SPIN1: variants seen among roughly 807,000 people sequenced by gnomAD.
The protein encoded by SPIN1 is spindlin 1.
SPIN1 carries 3 observed loss-of-function variants against 26.0 expected under a neutral mutation model. The ratio of observed to expected loss-of-function variants is 0.12; its 90% confidence interval spans 0.05 to 0.30. The LOEUF (loss-of-function observed/expected upper bound fraction) is 0.30, where lower values mean the gene tolerates loss of function less well. Among genes scored for constraint, SPIN1 ranks in the 10% least tolerant of loss-of-function variants. The pLI is 1.00. For synonymous variants in SPIN1, 101 were observed against 116.5 expected (o/e 0.87, Z 0.86); for missense variants, 126 against 333.4 (o/e 0.38, Z 4.84).
chr9:88,439,666 T>C (rs2118086883), intron 2 of SPIN1, among the ~76,000 whole-genome samples: 1 of 152,358 alleles, frequency 6.6e-6, no homozygotes, highest in South Asian at 2.1e-4. Flanking sequence ...GCTCCATTTT[T>C]AGGCACATAC....
At chr9:88,470,929 C>G (rs892331918) in intron 5 of SPIN1, among the ~76,000 whole-genome samples, 7 of 152,150 alleles carry the variant, frequency 4.6e-5, no homozygotes, top group African/African-American at 1.7e-4. Context: ...GGTGAAATGT[C>G]TATTCATATC....
intron 1 of SPIN1, among the ~76,000 whole-genome samples, chr9:88,394,740 G>C (rs1255506570): frequency 1.4e-5 from 2 of 147,376 alleles, no homozygotes; most frequent in African/African-American, 5.1e-5. Flanking sequence ...TTATATGTTT[G>C]ATAATTAATT....
intron 2 of SPIN1, among the ~76,000 whole-genome samples, chr9:88,444,040 C>T (rs1268666830): frequency 6.6e-6 from 1 of 152,036 alleles, no homozygotes; most frequent in Non-Finnish European, 1.5e-5. Flanking sequence ...CTCCGCCTGC[C>T]TCTCCAGTTT....
chr9:88,429,462 C>T (rs1317507549), intron 2 of SPIN1, among the ~76,000 whole-genome samples: 1 of 152,108 alleles, frequency 6.6e-6, no homozygotes. Context: ...TGTCCCTGGG[C>T]TCAATTAGTT....
intron 2 of SPIN1, among the ~76,000 whole-genome samples, chr9:88,433,012 C>T (rs2118052377): frequency 6.6e-6 from 1 of 152,170 alleles, no homozygotes; most frequent in African/African-American, 2.4e-5. Flanking sequence ...ACCACTGCAT[C>T]CAGCTTTTTT....
At position 88,477,549 on chromosome 9, in the gene SPIN1, T is replaced by C. The variant is rs1314978057; in HGVS notation, c.*2272T>C. 2 of 152,522 alleles carry C rather than the reference T, an allele frequency of 1.3e-5. No individual in the cohort carries two copies. The highest frequency in any genetic ancestry group is 2.9e-5 in the Non-Finnish European group (2 of 68,036). 9.4% of individuals were successfully genotyped at this position (152,522 alleles called of 1,614,324 possible). A position where few individuals can be genotyped will look rare whatever the true frequency, so the allele number is the denominator to read the frequency against. On this transcript the variant is annotated 3_prime_UTR_variant, in exon 6 of 6. Transcript: ENST00000375859. Reference sequence around the variant, plus strand: ...GGGAAAGGGAAGGTTTGTTTTTTTTTCTCCCCATTTTCCCCCATTCTGTCT... The same window carrying C: ...GGGAAAGGGAAGGTTTGTTTTTTTTCCTCCCCATTTTCCCCCATTCTGTCT...
At chr9:88,455,360 G>A (rs1284913388) in intron 3 of SPIN1, among the ~76,000 whole-genome samples, 1 of 152,184 alleles carries the variant, frequency 6.6e-6, no homozygotes, top group African/African-American at 2.4e-5. Context: ...GGAGGCTGAG[G>A]CAGGAGAATC....
chr9:88,388,793 C>T (rs868747646), intron 1 of SPIN1, among the ~76,000 whole-genome samples: 25 of 150,452 alleles, frequency 1.7e-4, no homozygotes, highest in Middle Eastern at 3.4e-3. Flanking sequence ...GTGCCCCCAT[C>T]CCCGCCGCCC....
At chr9:88,406,385 G>C (rs897465342) in intron 1 of SPIN1, among the ~76,000 whole-genome samples, 1 of 151,288 alleles carries the variant, frequency 6.6e-6, no homozygotes, top group South Asian at 2.1e-4. Context: ...CCGCCTCCCA[G>C]GTTCACACCA....
In SPIN1 at chr9:88,426,416, G is replaced by T; in HGVS notation, c.-124G>T. 1 of 690,410 alleles carries T rather than the reference G, an allele frequency of 1.4e-6. No homozygotes were observed. Among genetic ancestry groups the T allele is most frequent in the Non-Finnish European group, 2.5e-6 (1 of 406,126 alleles). The allele number at this position is 690,410 out of a possible 1,614,324, so 42.8% of individuals were successfully genotyped here. A position where few individuals can be genotyped will look rare whatever the true frequency, so the allele number is the denominator to read the frequency against. On this transcript the variant is annotated 5_prime_UTR_variant, in exon 2 of 6. Coordinates refer to ENST00000375859, the MANE Select transcript of SPIN1 (RefSeq NM_006717.3). ...GATTTCACGTATTTTTGCTGAACTC[G>T]TAAAAGAGACACTTGGATGGTGGAT...
At position 88,388,495 on chromosome 9, in the gene SPIN1, G is replaced by C. The variant is rs1010219039; in HGVS notation, c.-202G>C. On this transcript the variant is annotated 5_prime_UTR_variant, in exon 1 of 6. Coordinates refer to ENST00000375859, the MANE Select transcript of SPIN1 (RefSeq NM_006717.3). Reference sequence around the variant, plus strand: ...CCGGCGGGAGCGCGAACGAGCGACGGCGGAACCCGTGGGCCTGTGGACTGC... The same window carrying C: ...CCGGCGGGAGCGCGAACGAGCGACGCCGGAACCCGTGGGCCTGTGGACTGC... The C allele has an allele frequency of 6.8e-6, 1 of 147,942 alleles. No homozygotes were observed. The highest frequency in any genetic ancestry group is 2.4e-5 in the African/African-American group (1 of 41,062). 9.2% of individuals were successfully genotyped at this position (147,942 alleles called of 1,614,324 possible).
intron 1 of SPIN1, among the ~76,000 whole-genome samples, chr9:88,410,287 A>G (rs556634358): frequency 6.6e-6 from 1 of 151,944 alleles, no homozygotes; most frequent in African/African-American, 2.4e-5. Flanking sequence ...CTACATTAAA[A>G]CCTTTTGTTG....
At chr9:88,393,095 GTC>G (rs1826966020) in intron 1 of SPIN1, among the ~76,000 whole-genome samples, 1 of 150,286 alleles carries the variant, frequency 6.7e-6, no homozygotes, top group Non-Finnish European at 1.5e-5. Context: ...TGGGGTATTG[GTC>G]TGAACTCAGA....
At chr9:88,418,022 C>T (rs1286001833) in intron 1 of SPIN1, among the ~76,000 whole-genome samples, 1 of 152,236 alleles carries the variant, frequency 6.6e-6, no homozygotes, top group Non-Finnish European at 1.5e-5. Flanking sequence ...CCTCACAGTA[C>T]TTCCATGTGT....
chr9:88,391,180 A>G (rs1322829751), intron 1 of SPIN1, among the ~76,000 whole-genome samples: 3 of 152,202 alleles, frequency 2.0e-5, no homozygotes, highest in Non-Finnish European at 4.4e-5. Context: ...ACTCAAATAC[A>G]TTCAAGCTAC....
intron 1 of SPIN1, among the ~76,000 whole-genome samples, chr9:88,414,767 A>C (rs1827525191): frequency 6.6e-6 from 1 of 152,244 alleles, no homozygotes. Context: ...GAAGTGCTGT[A>C]CTTCAGGTAG....
chr9:88,425,809 A>G (rs1329637265), intron 1 of SPIN1, among the ~76,000 whole-genome samples: 3 of 152,162 alleles, frequency 2.0e-5, no homozygotes, highest in Non-Finnish European at 2.9e-5. Flanking sequence ...GCAGAAAGGG[A>G]AACTCAGAGA....
chr9:88,461,337 T>C (rs1273013716), intron 3 of SPIN1, among the ~76,000 whole-genome samples: 4 of 152,142 alleles, frequency 2.6e-5, no homozygotes, highest in African/African-American at 9.7e-5. Context: ...GTGAATCTCC[T>C]CCCAGTCTCC....
chr9:88,414,518 C>G (rs1312190729), intron 1 of SPIN1, among the ~76,000 whole-genome samples: 1 of 152,194 alleles, frequency 6.6e-6, no homozygotes, highest in Admixed American at 6.5e-5. Context: ...AGTTTGATGC[C>G]TAAGGACCAG....
Sources: gnomAD v4.1 joint callset for allele counts (sites outside exome capture counted in the v4.1 genomes callset) on GRCh38, gnomAD v4.1.1 for gene constraint, MANE v1.5 for transcripts, NCBI Gene and HGNC (gene_info 2026-07-23, HGNC 2026-07-21) for gene names.